Variants in NT5DC1 observed in about 807,000 individuals in gnomAD.
The protein encoded by NT5DC1 is 5'-nucleotidase domain-containing protein 1.
NT5DC1 carries 42 observed loss-of-function variants against 59.4 expected under a neutral mutation model. The observed-to-expected ratio is 0.71, with a 90% CI of 0.55 to 0.92. The LOEUF (loss-of-function observed/expected upper bound fraction) is 0.92. Among genes scored for constraint, NT5DC1 ranks in the 40% least tolerant of loss-of-function variants. The pLI is 0.00. For synonymous variants in NT5DC1, 172 were observed against 188.1 expected (o/e 0.91, Z 0.70); for missense variants, 501 against 537.1 (o/e 0.93, Z 0.66).
intron 6 of NT5DC1, among the ~76,000 whole-genome samples, chr6:116,192,393 A>T (rs1301951102): frequency 6.6e-6 from 1 of 152,012 alleles, no homozygotes; most frequent in African/African-American, 2.4e-5. Context: ...TGCCATTTCT[A>T]CTTTAAAGGG....
chr6:116,246,025 T>C lies in NT5DC1; in HGVS notation c.*2001T>C, dbSNP rs573721456. 5.9e-5 allele frequency: 9 copies of C among 152,274 alleles called. No homozygotes were observed. Among genetic ancestry groups the C allele is most frequent in the Admixed American group, 3.9e-4 (6 of 15,298 alleles). The allele number at this position is 152,274 out of a possible 1,614,324, so 9.4% of individuals were successfully genotyped here. A position where few individuals can be genotyped will look rare whatever the true frequency, so the allele number is the denominator to read the frequency against. On this transcript the variant is annotated 3_prime_UTR_variant, in exon 12 of 12. Coordinates refer to ENST00000319550, the MANE Select transcript of NT5DC1 (RefSeq NM_152729.3). ...TTTTTTTCTGTAATTAGAAAGACTA[T>C]AATTAGGCTTTTTAAATTTGTATTT...
intron 11 of NT5DC1, among the ~76,000 whole-genome samples, chr6:116,241,680 T>A (rs543286836): frequency 7.0e-4 from 106 of 152,116 alleles, no homozygotes; most frequent in African/African-American, 2.5e-3. Context: ...TCCCAGCACT[T>A]TGGGAGGCCG....
intron 6 of NT5DC1, among the ~76,000 whole-genome samples, chr6:116,178,096 C>CGCGT (rs1780786089): frequency 1.9e-5 from 2 of 107,826 alleles, no homozygotes; most frequent in Admixed American, 1.8e-4. Flanking sequence ...TGTGCGCGCG[C>CGCGT]GCGCGCGTGC....
chr6:116,220,995 A>G, intron 6 of NT5DC1, 59 bp from the exon 7 acceptor site: 1 of 807,892 alleles, frequency 1.2e-6, no homozygotes, highest in East Asian at 2.5e-5. Flanking sequence ...TTGTTAGAGA[A>G]TATATTTAGT....
At chr6:116,196,097 T>A (rs1440912834) in intron 6 of NT5DC1, among the ~76,000 whole-genome samples, 2 of 152,022 alleles carry the variant, frequency 1.3e-5, no homozygotes, top group Admixed American at 1.3e-4. Context: ...TTCTGTTATT[T>A]CCTGACATCA....
chr6:116,200,728 G>A (rs958953523), intron 6 of NT5DC1, among the ~76,000 whole-genome samples: 1 of 151,888 alleles, frequency 6.6e-6, no homozygotes, highest in Non-Finnish European at 1.5e-5. Flanking sequence ...CTTATGGATC[G>A]TACTTCATCT....
chr6:116,242,127 T>A (rs1304675657), intron 11 of NT5DC1, among the ~76,000 whole-genome samples: 1 of 151,484 alleles, frequency 6.6e-6, no homozygotes, highest in Non-Finnish European at 1.5e-5. Context: ...TCCTTGCACT[T>A]TGGGAGGCGG....
chr6:116,115,448 TA>T (rs1373628763), intron 4 of NT5DC1, among the ~76,000 whole-genome samples: 1 of 152,256 alleles, frequency 6.6e-6, no homozygotes, highest in African/African-American at 2.4e-5. Flanking sequence ...TTAAGATGAC[TA>T]AAATATCTTC....
In NT5DC1 at chr6:116,246,006, T is replaced by C. The variant is rs1236926491; in HGVS notation, c.*1982T>C. On this transcript the variant is annotated 3_prime_UTR_variant, in exon 12 of 12. Coordinates refer to ENST00000319550, the MANE Select transcript of NT5DC1 (RefSeq NM_152729.3). ...TATTTCTTCTAATGAATGTTTTTTTTCTGTAATTAGAAAGACTATAATTAG... is the reference window on the plus strand; with the variant it reads ...TATTTCTTCTAATGAATGTTTTTTTCCTGTAATTAGAAAGACTATAATTAG... 1.3e-5 allele frequency: 2 copies of C among 152,164 alleles called. No homozygotes were observed. The highest frequency in any genetic ancestry group is 4.8e-5 in the African/African-American group (2 of 41,448). The allele number at this position is 152,164 out of a possible 1,614,324, so 9.4% of individuals were successfully genotyped here. A position where few individuals can be genotyped will look rare whatever the true frequency, so the allele number is the denominator to read the frequency against.
At chr6:116,133,229 A>G (rs1779512557) in intron 6 of NT5DC1, among the ~76,000 whole-genome samples, 2 of 152,174 alleles carry the variant, frequency 1.3e-5, no homozygotes, top group Admixed American at 6.5e-5. Flanking sequence ...TTGACCTAAG[A>G]TCTTCAGGGA....
In NT5DC1 at chr6:116,178,052, A is replaced by AGTGTGTGTGTGTGT. The variant is rs61085607; in HGVS notation, c.530-42978_530-42965dup. ...GCTTTCATAACTTTACAAAGAGGAA[A>AGTGTGTGTGTGTGT]GTGTGTGTGTGTGTGTGTGTGTGTG... On this transcript the variant is annotated intron_variant, in intron 6 of 11. Transcript: ENST00000319550. Among the ~76,000 whole-genome samples the AGTGTGTGTGTGTGT allele has an allele frequency of 3.5e-3, 471 of 136,376 alleles. 5 individuals carry two copies. Among genetic ancestry groups the AGTGTGTGTGTGTGT allele is most frequent in the African/African-American group, 0.011 (396 of 36,746 alleles). The allele number at this position is 136,376 out of a possible 152,430, so 89.5% of individuals were successfully genotyped here.
intron 6 of NT5DC1, among the ~76,000 whole-genome samples, chr6:116,214,399 G>A (rs185030455): frequency 1.3e-4 from 20 of 152,110 alleles, no homozygotes; most frequent in East Asian, 5.8e-4. Context: ...ATCAGATAAC[G>A]TTAAATATGC....
At position 116,238,305 on chromosome 6, in the gene NT5DC1, G is replaced by A. The variant is rs1167075561; in HGVS notation, c.1040G>A (p.Arg347Lys). Residue 347 changes from arginine (R) to lysine (K), a missense_variant, in exon 10 of 12, where the codon AGG (arginine) becomes AAG (lysine). Arg to Lys is a conservative substitution (Grantham distance 26). Coordinates refer to ENST00000319550, the MANE Select transcript of NT5DC1 (RefSeq NM_152729.3). ...LRGDEGTRSQ[R>K]PEESEPLEKK... ...GGGGATGAAGGCACGAGGAGTCAGAGGCCTGAGGAGTCAGAGCCTCTAGAG... is the reference window on the plus strand; with the variant it reads ...GGGGATGAAGGCACGAGGAGTCAGAAGCCTGAGGAGTCAGAGCCTCTAGAG... 1 of 1,612,988 alleles carries A rather than the reference G, an allele frequency of 6.2e-7. No homozygotes were observed. The highest frequency in any genetic ancestry group is 8.5e-7 in the Non-Finnish European group (1 of 1,179,486).
intron 6 of NT5DC1, among the ~76,000 whole-genome samples, chr6:116,206,282 T>C (rs1243889309): frequency 1.3e-5 from 2 of 151,980 alleles, no homozygotes; most frequent in African/African-American, 4.8e-5. Flanking sequence ...TAACACAAAA[T>C]TTTTACTATG....
intron 6 of NT5DC1, among the ~76,000 whole-genome samples, chr6:116,126,925 G>C (rs1356706339): frequency 6.6e-6 from 1 of 152,250 alleles, no homozygotes; most frequent in Non-Finnish European, 1.5e-5. Context: ...AAAGGTGGAA[G>C]TAAACACTAT....
At chr6:116,101,638 G>A (rs1348411001) in intron 1 of NT5DC1, among the ~76,000 whole-genome samples, 2 of 152,074 alleles carry the variant, frequency 1.3e-5, no homozygotes, top group Non-Finnish European at 2.9e-5. Flanking sequence ...CATCGACTAC[G>A]TGCTCCGTGC....
intron 6 of NT5DC1, among the ~76,000 whole-genome samples, chr6:116,177,486 G>T (rs191398677): frequency 2.0e-5 from 3 of 152,174 alleles, no homozygotes; most frequent in Admixed American, 2.0e-4. Flanking sequence ...TCTCTTTAAT[G>T]ATATAAATTT....
chr6:116,140,451 G>A (rs57296292), intron 6 of NT5DC1, among the ~76,000 whole-genome samples: 24,273 of 152,036 alleles, frequency 0.16, 2,113 homozygotes, highest in East Asian at 0.26. Context: ...GGAAAACTTG[G>A]ATATGTGTAT....
In NT5DC1 at chr6:116,246,468, T is replaced by TACACACACACACACACACACACAC. The variant is rs57839520; in HGVS notation, c.*2447_*2470dup. 1 of 149,562 alleles carries TACACACACACACACACACACACAC rather than the reference T, an allele frequency of 6.7e-6. No homozygotes were observed. The highest frequency in any genetic ancestry group is 2.5e-5 in the African/African-American group (1 of 40,534). The allele number at this position is 149,562 out of a possible 1,614,324, so 9.3% of individuals were successfully genotyped here. A position where few individuals can be genotyped will look rare whatever the true frequency, so the allele number is the denominator to read the frequency against. ...ATTCATATCCAAAAATAACTTTAAA[T>TACACACACACACACACACACACAC]ACACACACACACACACACACACACA... On this transcript the variant is annotated 3_prime_UTR_variant, in exon 12 of 12. Coordinates refer to ENST00000319550, the MANE Select transcript of NT5DC1 (RefSeq NM_152729.3).
Sources: gnomAD v4.1 joint callset for allele counts (sites outside exome capture counted in the v4.1 genomes callset) on GRCh38, gnomAD v4.1.1 for gene constraint, MANE v1.5 for transcripts, NCBI Gene and HGNC (gene_info 2026-07-23, HGNC 2026-07-21) for gene names.